LENG8: variants seen among roughly 807,000 people sequenced by gnomAD.
LENG8 encodes leukocyte receptor cluster (LRC) member 8.
A neutral mutation model predicts 102.1 loss-of-function variants in LENG8; 28 were observed. That is an observed-to-expected ratio of 0.27 (90% CI 0.20 to 0.38). The LOEUF (loss-of-function observed/expected upper bound fraction) is 0.38. Among genes scored for constraint, LENG8 ranks in the 10% least tolerant of loss-of-function variants. The probability of loss-of-function intolerance (pLI) is 1.00; values close to 1 mark genes in which losing one functional copy is unlikely to be tolerated. For synonymous variants in LENG8, 531 were observed against 456.7 expected (o/e 1.16, Z -2.07); for missense variants, 1,022 against 1,113.9 (o/e 0.92, Z 1.17).
Position 54,452,093 on chromosome 19 carries a change from G to T in LENG8, c.39G>T (p.Trp13Cys). The change falls in exon 3 of 16, where the codon TGG becomes TGT. Residue 13 changes from tryptophan (W) to cysteine (C), a missense_variant and splice_region_variant. This residue lies in a region of LENG8 where 37 missense variants were observed against 46.3 expected (regional missense o/e 0.80). Coordinates refer to ENST00000326764, the MANE Select transcript of LENG8 (RefSeq NM_052925.4). ...ANVGDQRSTD[W>C]SSQYSMVAGA... ...GACTTGATGTCCTCTCTCTCTGCAG[G>T]TCTTCTCAGTACAGCATGGTGGCTG... 6.2e-7 allele frequency: 1 copy of T among 1,609,060 alleles called. No individual in the cohort carries two copies. The highest frequency in any genetic ancestry group is 8.5e-7 in the Non-Finnish European group (1 of 1,176,166).
At position 54,461,128 on chromosome 19, in the gene LENG8, G is replaced by A. The variant is rs758183110; in HGVS notation, c.*200G>A. 8.4e-6 allele frequency: 7 copies of A among 830,860 alleles called. No homozygotes were observed. Among genetic ancestry groups the A allele is most frequent in the South Asian group, 1.5e-5 (1 of 68,334 alleles). 51.5% of individuals were successfully genotyped at this position (830,860 alleles called of 1,614,324 possible). On this transcript the variant is annotated 3_prime_UTR_variant, in exon 16 of 16. Coordinates refer to ENST00000326764, the MANE Select transcript of LENG8 (RefSeq NM_052925.4). ...TACGTTTTTATTTTTTGCCTCAGAG[G>A]GATGGGATTGGGGAGGAGGGGATGG...
At position 54,456,725 on chromosome 19, in the gene LENG8, G is replaced by A. The variant is rs200163681; in HGVS notation, c.1535G>A (p.Arg512Gln). ...DPERELKKQK[R>Q]AARFQHGHSR... Reference sequence around the variant, plus strand: ...GAGCGAGAGCTGAAGAAGCAGAAGCGGGCAGCCCGCTTCCAGCACGGACAC... The same window carrying A: ...GAGCGAGAGCTGAAGAAGCAGAAGCAGGCAGCCCGCTTCCAGCACGGACAC... The change falls in exon 11 of 16, where the codon CGG becomes CAG. Residue 512 changes from arginine (R) to glutamine (Q), a missense_variant. By Grantham distance (43) the Arg-to-Gln change is conservative. Around this residue, in one of 7 missense-constraint regions of LENG8, gnomAD observed 326 missense variants for 324.5 expected, o/e 1.00. Coordinates refer to ENST00000326764, the MANE Select transcript of LENG8 (RefSeq NM_052925.4). The A allele has an allele frequency of 1.5e-4, 235 of 1,612,610 alleles. No individual in the cohort carries two copies. The highest frequency in any genetic ancestry group is 2.0e-4 in the Non-Finnish European group (231 of 1,179,634).
At chr19:54,458,928 G>T (rs980979415) in intron 15 of LENG8, 2 of 1,525,060 alleles carry the variant, frequency 1.3e-6, no homozygotes, top group Non-Finnish European at 1.8e-6. Flanking sequence ...ACAGCCTCTG[G>T]TCTACCAGGA....
rs541513545 is a variant in LENG8, at chr19:54,459,946, G to A, written c.2241-820G>A. ...GGTGTGTGGTTGGGCGAGTGTCCTT[G>A]TTAATTGATACCTAATTGGCCTTGG... On this transcript the variant is annotated intron_variant, in intron 15 of 15. Coordinates refer to ENST00000326764, the MANE Select transcript of LENG8 (RefSeq NM_052925.4). 5.0e-6 allele frequency: 6 copies of A among 1,207,162 alleles called. No individual in the cohort carries two copies. In the African/African-American group the frequency reaches 7.9e-5, roughly 16 times the overall value. 74.8% of individuals were successfully genotyped at this position (1,207,162 alleles called of 1,614,324 possible).
intron 3 of LENG8, 64 bp downstream of exon 3, chr19:54,452,331 C>A (rs996590446): frequency 2.1e-6 from 3 of 1,419,014 alleles, no homozygotes; most frequent in Non-Finnish European, 2.9e-6. Context: ...CACAGTCTGG[C>A]GTCCTGTTGT....
Position 54,456,629 on chromosome 19 carries a change from T to C in LENG8, c.1446-7T>C, listed in dbSNP as rs765331027. On this transcript the variant is annotated splice_polypyrimidine_tract_variant and splice_region_variant and intron_variant, in intron 10 of 15. Transcript: ENST00000326764. ...TGTCGCGCTCACTGCCCCTCATCCC[T>C]TCCTAGGCACGATCTGGCGCCCACC... 6.2e-7 allele frequency: 1 copy of C among 1,605,998 alleles called. No homozygotes were observed. Among genetic ancestry groups the C allele is most frequent in the Non-Finnish European group, 8.5e-7 (1 of 1,175,340 alleles).
intron 15 of LENG8, chr19:54,458,861 C>T (rs180787313): frequency 1.7e-5 from 26 of 1,550,306 alleles, no homozygotes; most frequent in Admixed American, 1.6e-4. Context: ...TCCTCAGAAC[C>T]CTGAGGTCTC....
Position 54,456,400 on chromosome 19 carries a change from T to C in LENG8, c.1380T>C (p.Pro460=), listed in dbSNP as rs2123142776. 1 of 1,611,458 alleles carries C rather than the reference T, an allele frequency of 6.2e-7. No homozygotes were observed. The change falls in exon 10 of 16, where the codon CCT becomes CCC. Residue 460 remains proline (P), a synonymous_variant. Transcript: ENST00000326764. ...CHPVGRRNPP[P]KGRGGRGAHM... ...CTGTGGGCCGCAGGAACCCGCCCCC[T>C]AAGGGCCGGGGCGGTCGAGGGGCCC...
Position 54,455,448 on chromosome 19 carries a change from C to T in LENG8, c.906C>T (p.Thr302=), listed in dbSNP as rs145101574. The change falls in exon 8 of 16, where the codon ACC becomes ACT. Residue 302 remains threonine, a synonymous_variant. Transcript: ENST00000326764. ...AAGAGTATGTGGAGCGCTGCTTCACCGCCTGTGAGTCGGAGGAGGACAAGG... is the reference window on the plus strand; with the variant it reads ...AAGAGTATGTGGAGCGCTGCTTCACTGCCTGTGAGTCGGAGGAGGACAAGG... ...DMKEYVERCF[T]ACESEEDKDR... 65 of 1,614,152 alleles carry T rather than the reference C, an allele frequency of 4.0e-5. 1 individual carries two copies. The highest frequency in any genetic ancestry group is 5.1e-5 in the Non-Finnish European group (60 of 1,180,032).
At chr19:54,455,910 G>A (rs979844908) in intron 8 of LENG8, 57 bp from the exon 9 acceptor site, 23 of 1,547,882 alleles carry the variant, frequency 1.5e-5, no homozygotes, top group South Asian at 6.0e-5. Context: ...AGGTGGTGGC[G>A]GCTGTCCTGC....
In LENG8 at chr19:54,456,368, T is replaced by A. The variant is rs749501686; in HGVS notation, c.1348T>A (p.Cys450Ser). 3 of 1,612,994 alleles carry A rather than the reference T, an allele frequency of 1.9e-6. No individual in the cohort carries two copies. In the South Asian group the frequency reaches 3.3e-5, roughly 18 times the overall value. ...CGACAGCTCCTACTCAGGGAATGAG[T>A]GTCACCCTGTGGGCCGCAGGAACCC... ...DSDSSYSGNE[C>S]HPVGRRNPPP... Residue 450 changes from cysteine to serine, a missense_variant, in exon 10 of 16, where the codon TGT becomes AGT. This residue lies in a region of LENG8 where 326 missense variants were observed against 324.5 expected (regional missense o/e 1.00). Coordinates refer to ENST00000326764, the MANE Select transcript of LENG8 (RefSeq NM_052925.4).
At chr19:54,449,524 A>T (rs10406529) in intron 1 of LENG8, 4 of 151,638 alleles carry the variant, frequency 2.6e-5, no homozygotes, top group South Asian at 2.1e-4. Context: ...TCGTCTTCTA[A>T]TTTCCGTTCC....
chr19:54,461,543 C>T lies in LENG8; in HGVS notation c.*615C>T, dbSNP rs544802272. ...CCGCCACACCGCACTGAGGACACGC[C>T]GGCCGGGCCGCCTCGTCTCAAGTTG... On this transcript the variant is annotated 3_prime_UTR_variant, in exon 16 of 16. Transcript: ENST00000326764. 1.8e-3 allele frequency: 843 copies of T among 471,710 alleles called. 8 individuals are homozygous for T. Among genetic ancestry groups the T allele is most frequent in the South Asian group, 0.012 (785 of 64,528 alleles). The allele number at this position is 471,710 out of a possible 1,614,324, so 29.2% of individuals were successfully genotyped here.
chr19:54,449,832 T>A (rs2083868865), intron 1 of LENG8: 2 of 152,614 alleles, frequency 1.3e-5, no homozygotes, highest in Admixed American at 1.3e-4. Flanking sequence ...CCCCAACTCC[T>A]GACCTTACCT....
chr19:54,455,933 G>C (rs775431237), intron 8 of LENG8, 34 bp from the exon 9 acceptor site: 1 of 1,589,104 alleles, frequency 6.3e-7, no homozygotes, highest in Non-Finnish European at 8.6e-7. Context: ...GTGTCTGGCG[G>C]GGTTGGTGAC....
In LENG8 at chr19:54,454,536, C is replaced by A; in HGVS notation, c.533C>A (p.Thr178Lys). 6.2e-7 allele frequency: 1 copy of A among 1,613,724 alleles called. No homozygotes were observed. The highest frequency in any genetic ancestry group is 8.5e-7 in the Non-Finnish European group (1 of 1,179,898). Residue 178 changes from threonine (T) to lysine (K), a missense_variant, in exon 6 of 16, where the codon ACG (threonine) becomes AAG (lysine). Thr to Lys is a moderately conservative substitution (Grantham distance 78, BLOSUM62 -1). Transcript: ENST00000326764. ...TCAAATCCCCCACATGGGGCTCACA[C>A]GCTGAACAGTGGCCCTCAGCCTGGG... The part of the protein sequence containing the change: ...QPSNPPHGAH[T>K]LNSGPQPGTA...
intron 2 of LENG8, 104 bp from the exon 3 acceptor site, chr19:54,451,989 T>C: frequency 9.4e-7 from 1 of 1,058,918 alleles, no homozygotes. Flanking sequence ...AGACTGGTAG[T>C]AACAGTTAGA....
chr19:54,456,546 C>T (rs369823242), intron 10 of LENG8, 81 bp downstream of exon 10: 128 of 1,536,102 alleles, frequency 8.3e-5, no homozygotes, highest in South Asian at 2.6e-4. Context: ...GGAGGAGGGC[C>T]GGACAGGTGG....
intron 15 of LENG8, chr19:54,459,103 T>C: frequency 1.5e-6 from 2 of 1,376,638 alleles, no homozygotes; most frequent in Non-Finnish European, 1.9e-6. Context: ...TGGGTGGGGA[T>C]GAGTTGCTTG....
Sources: gnomAD v4.1 joint callset for allele counts on GRCh38, gnomAD v4.1.1 for gene constraint, gnomAD v4.1.1 regional missense constraint, MANE v1.5 for transcripts, NCBI Gene and HGNC (gene_info 2026-07-23, HGNC 2026-07-21) for gene names.